Variants in TENM3 observed in about 807,000 individuals in gnomAD.
TENM3 encodes teneurin-3.
Under a neutral mutation model 255.1 loss-of-function variants are expected in TENM3, and 63 were observed. The observed-to-expected ratio is 0.25, with a 90% CI of 0.20 to 0.30. The LOEUF (loss-of-function observed/expected upper bound fraction) is 0.30. Among genes scored for constraint, TENM3 ranks in the 10% least tolerant of loss-of-function variants. The pLI, the probability that TENM3 is intolerant of heterozygous loss-of-function variation, is 1.00. For synonymous variants in TENM3, 1,306 were observed against 1,322.3 expected (o/e 0.99, Z 0.27); for missense variants, 2,929 against 3,461.1 (o/e 0.85, Z 3.86).
At chr4:182,016,722 G>A in the TENM3 span, among the ~76,000 whole-genome samples, 4 of 152,084 alleles carry the variant, frequency 2.6e-5, no homozygotes, top group East Asian at 1.9e-4. Flanking sequence ...AACTAATAAC[G>A]ATTCCTTTAC....
the TENM3 span, among the ~76,000 whole-genome samples, chr4:181,666,110 T>C: frequency 1.3e-5 from 2 of 152,118 alleles, no homozygotes; most frequent in Non-Finnish European, 1.5e-5. Flanking sequence ...TATTAATCTT[T>C]ATTTTGAAAA....
chr4:181,522,044 T>C, the TENM3 span, among the ~76,000 whole-genome samples: 2 of 130,790 alleles, frequency 1.5e-5, no homozygotes, highest in East Asian at 4.4e-4. Flanking sequence ...GAGCTTGCAG[T>C]GAGCCGAGAT....
the TENM3 span, among the ~76,000 whole-genome samples, chr4:181,942,908 T>C: frequency 6.6e-6 from 1 of 152,312 alleles, no homozygotes; most frequent in East Asian, 1.9e-4. Flanking sequence ...TTAATCACAA[T>C]TTAAAAATCA....
intron 19 of TENM3, 102 bp downstream of exon 19, chr4:182,743,521 C>A: frequency 7.6e-7 from 1 of 1,317,562 alleles, no homozygotes; most frequent in Non-Finnish European, 1.0e-6. Flanking sequence ...AAAATACCAT[C>A]CTAAGGTTTA....
chr4:182,475,841 A>G lies in TENM3; in HGVS notation c.512-125083A>G, dbSNP rs1227940585. On this transcript the variant is annotated intron_variant, in intron 3 of 27. Coordinates refer to ENST00000511685, the MANE Select transcript of TENM3 (RefSeq NM_001080477.4). ...CATCTTCGTCTTTATTGGATAAATA[A>G]TAATTCAGTATCCCTCAAGTGACTA... 6.6e-5 allele frequency among the ~76,000 whole-genome samples: 10 copies of G among 152,326 alleles called. No individual in the cohort carries two copies. In the South Asian group the frequency reaches 2.1e-3, roughly 32 times the overall value.
the TENM3 span, among the ~76,000 whole-genome samples, chr4:181,964,659 G>T: frequency 2.0e-5 from 3 of 151,414 alleles, no homozygotes; most frequent in African/African-American, 7.3e-5. Context: ...TCTTCTTCTC[G>T]TCTATATGAC....
At chr4:182,356,695 A>T (rs1006399296) in intron 3 of TENM3, among the ~76,000 whole-genome samples, 6 of 151,756 alleles carry the variant, frequency 4.0e-5, no homozygotes, top group African/African-American at 7.3e-5. Flanking sequence ...CTTTTTTTTT[A>T]AATATATTTT....
chr4:181,946,639 G>A, the TENM3 span, among the ~76,000 whole-genome samples: 1 of 152,060 alleles, frequency 6.6e-6, no homozygotes, highest in African/African-American at 2.4e-5. Flanking sequence ...ATCTCCCCTA[G>A]GTCCTTATTT....
rs1745213138 is a variant in TENM3 at position 182,578,937 on chromosome 4, G to A, written c.512-21987G>A. On this transcript the variant is annotated intron_variant, in intron 3 of 27. Coordinates refer to ENST00000511685, the MANE Select transcript of TENM3 (RefSeq NM_001080477.4). ...ATGTTAGTCTACACTTTAAGCCTTC[G>A]AAACCAACCCCGGCACAAAGCAAAT... 2.0e-5 allele frequency among the ~76,000 whole-genome samples: 3 copies of A among 152,272 alleles called. No homozygotes were observed. In the South Asian group the frequency reaches 6.2e-4, roughly 32 times the overall value.
chr4:181,667,066 C>G, the TENM3 span, among the ~76,000 whole-genome samples: 2 of 152,148 alleles, frequency 1.3e-5, no homozygotes, highest in African/African-American at 2.4e-5. Flanking sequence ...TACATTCTTA[C>G]ACATGCATTT....
In TENM3 at chr4:182,673,203, C is replaced by T. The variant is rs547287680; in HGVS notation, c.1310C>T (p.Pro437Leu). 7 of 1,611,342 alleles carry T rather than the reference C, an allele frequency of 4.3e-6. No homozygotes were observed. Among genetic ancestry groups the T allele is most frequent in the African/African-American group, 2.7e-5 (2 of 74,978 alleles). The change falls in exon 7 of 28, where the codon CCG (proline) becomes CTG (leucine). Residue 437 changes from proline to leucine, a missense_variant. Pro to Leu is a moderately conservative substitution (Grantham distance 98, BLOSUM62 -3). Coordinates refer to ENST00000511685, the MANE Select transcript of TENM3 (RefSeq NM_001080477.4). The stretch of plus-strand genomic sequence containing the variant: ...GGAGTATATGGCCGGAAAGGCTTAC[C>T]GCCTTCCCATACTCAGGTAAGACTA... The part of the protein sequence containing the change: ...LIGVYGRKGL[P>L]PSHTQYDFVE...
chr4:182,063,358 G>A, the TENM3 span, among the ~76,000 whole-genome samples: 1 of 152,266 alleles, frequency 6.6e-6, no homozygotes, highest in African/African-American at 2.4e-5. Context: ...AGAATAAGAG[G>A]CTTAAAAGTA....
the TENM3 span, among the ~76,000 whole-genome samples, chr4:181,918,764 T>A: frequency 6.6e-6 from 1 of 152,174 alleles, no homozygotes. Context: ...CATTCATGTA[T>A]ATATTTATAT....
At position 182,422,780 on chromosome 4, in the gene TENM3, T is replaced by A. The variant is rs956957249; in HGVS notation, c.511+75851T>A. On this transcript the variant is annotated intron_variant, in intron 3 of 27. Transcript: ENST00000511685. The stretch of plus-strand genomic sequence containing the variant: ...TTTTCACAGCTTTACTTAAAAATAA[T>A]CACTACCAGTTTTCAGACACCCTTG... 5.9e-5 allele frequency among the ~76,000 whole-genome samples: 9 copies of A among 152,356 alleles called. No homozygotes were observed. The East Asian group carries it at 1.7e-3, about 29-fold the overall frequency.
intron 3 of TENM3, among the ~76,000 whole-genome samples, chr4:182,362,029 G>A (rs1220987588): frequency 6.6e-6 from 1 of 152,218 alleles, no homozygotes; most frequent in African/African-American, 2.4e-5. Context: ...CTGCAGAACA[G>A]TGGTTTTTCG....
At chr4:182,131,893 T>C in the TENM3 span, among the ~76,000 whole-genome samples, 2 of 151,632 alleles carry the variant, frequency 1.3e-5, no homozygotes, top group Non-Finnish European at 2.9e-5. Flanking sequence ...ATTCACCTTG[T>C]TTAACTTCCC....
the TENM3 span, among the ~76,000 whole-genome samples, chr4:181,491,743 A>T: frequency 6.6e-6 from 1 of 152,088 alleles, no homozygotes; most frequent in Non-Finnish European, 1.5e-5. Flanking sequence ...ATTAAAATAC[A>T]TTATTCTATG....
intron 4 of TENM3, among the ~76,000 whole-genome samples, chr4:182,615,750 A>G (rs1236036492): frequency 5.3e-5 from 8 of 152,054 alleles, no homozygotes; most frequent in Non-Finnish European, 1.0e-4. Context: ...AAAGAGTGAG[A>G]TGACATAAAG....
At chr4:182,562,938 T>C (rs1743360621) in intron 3 of TENM3, among the ~76,000 whole-genome samples, 1 of 152,200 alleles carries the variant, frequency 6.6e-6, no homozygotes, top group Non-Finnish European at 1.5e-5. Flanking sequence ...TCCAAACTTT[T>C]GAAATTTAAA....
Sources: gnomAD v4.1 joint callset for allele counts (sites outside exome capture counted in the v4.1 genomes callset) on GRCh38, gnomAD v4.1.1 for gene constraint, MANE v1.5 for transcripts, NCBI Gene and HGNC (gene_info 2026-07-23, HGNC 2026-07-21) for gene names.